The following HYAL1 variants were observed in gnomAD, a reference collection of about 807,000 sequenced individuals.
The protein encoded by HYAL1 is hyaluronidase-1.
HYAL1 carries 21 observed loss-of-function variants against 28.8 expected under a neutral mutation model. The observed-to-expected ratio is 0.73, with a 90% confidence interval of 0.52 to 1.05. HYAL1 has a LOEUF of 1.05. Among genes scored for constraint, HYAL1 ranks in the 50% least tolerant of loss-of-function variants. HYAL1 has a pLI of 0.00. For missense variants in HYAL1, 491 were observed against 579.2 expected, an observed-to-expected ratio of 0.85 and a Z score of 1.56; for synonymous variants, 200 against 230.1, an observed-to-expected ratio of 0.87 and a Z score of 1.18.
In HYAL1 at chr3:50,300,068, T is replaced by G. The variant is rs1186268916; in HGVS notation, c.*415A>C. On this transcript the variant is annotated 3_prime_UTR_variant, in exon 4 of 4. Transcript: ENST00000395144. ...TGCTGTGCAACCTTGGGCAACGTGC[T>G]TACTCTCAATGTGAGTGACTCAGTT... 15 of 274,320 alleles carry G rather than the reference T, an allele frequency of 5.5e-5. No homozygotes were observed. In the Admixed American group the frequency reaches 7.0e-4, roughly 13 times the overall value. 17.0% of individuals were successfully genotyped at this position (274,320 alleles called of 1,614,324 possible). A position where few individuals can be genotyped will look rare whatever the true frequency, so the allele number is the denominator to read the frequency against.
chr3:50,304,329 ATATATATATG>A (rs1702293220), upstream of HYAL1, among the ~76,000 whole-genome samples: 1 of 105,208 alleles, frequency 9.5e-6, no homozygotes, highest in Non-Finnish European at 1.9e-5. Flanking sequence ...ATATATATAT[ATATATATATG>A]GCTATAGTCT....
chr3:50,309,611 A>G (rs1175803693), intron 2 of HYAL1: 4 of 151,396 alleles, frequency 2.6e-5, no homozygotes, highest in African/African-American at 9.8e-5. Context: ...CCCTTGGGAA[A>G]ACTGGCCTCA....
upstream of HYAL1, among the ~76,000 whole-genome samples, chr3:50,306,219 C>CTTTTTTTTTTTTT (rs1173166946): frequency 9.5e-5 from 8 of 84,454 alleles, no homozygotes; most frequent in East Asian, 4.5e-4. Context: ...CTGTACAACT[C>CTTTTTTTTTTTTT]TTTTTTTTTT....
At chr3:50,310,581 CTTTTTTTTTTCT>C (rs1376002530) in intron 1 of HYAL1, among the ~76,000 whole-genome samples, 4 of 140,310 alleles carry the variant, frequency 2.9e-5, no homozygotes, top group Admixed American at 2.1e-4. Flanking sequence ...GGTTTCTTTT[CTTTTTTTTTTCT>C]TTTTTTTTTT....
intron 1 of HYAL1, among the ~76,000 whole-genome samples, chr3:50,310,745 C>CGGCCTT (rs1423152810): frequency 2.0e-5 from 3 of 150,668 alleles, no homozygotes; most frequent in African/African-American, 7.4e-5. Context: ...GAGGACCCCA[C>CGGCCTT]GGCCTTCCGC....
intron 3 of HYAL1, 49 bp downstream of exon 3, chr3:50,300,939 T>TGGGGGG: frequency 2.7e-5 from 26 of 959,318 alleles, no homozygotes; most frequent in Non-Finnish European, 3.8e-5. Flanking sequence ...GTCAGCTTAA[T>TGGGGGG]GGCCCCACCC....
At position 50,302,258 on chromosome 3, in the gene HYAL1, C is replaced by A. The variant is rs200718831; in HGVS notation, c.699G>T (p.Gly233=). The change falls in exon 2 of 4, where the codon GGG becomes GGT. Residue 233 remains glycine, a synonymous_variant. Transcript: ENST00000395144. The surrounding 1 kb of genome is among the most constrained non-coding windows in gnomAD (Gnocchi z 5.0). ...GGGCACGGCTCTGGCCCCACAGCCACCCTAGCTGGTCATTTTGGGCACGGA... is the reference window on the plus strand; with the variant it reads ...GGGCACGGCTCTGGCCCCACAGCCAACCTAGCTGGTCATTTTGGGCACGGA... ...SGIRAQNDQL[G]WLWGQSRALY... 3.1e-6 allele frequency: 5 copies of A among 1,613,926 alleles called. No homozygotes were observed. In the Admixed American group the frequency reaches 6.7e-5, roughly 22 times the overall value.
rs781848241 is a variant in HYAL1 at position 50,300,572 on chromosome 3, C to T, written c.1219G>A (p.Glu407Lys). Residue 407 changes from glutamate (E) to lysine (K), a missense_variant, in exon 4 of 4, where the codon GAA (glutamate) becomes AAA (lysine). Physicochemically the swap from Glu to Lys is moderately conservative, Grantham distance 56. Transcript: ENST00000395144. ...PLSLRGALSL[E>K]DQAQMAVEFK... ...TCCACAGCCATCTGTGCCTGATCTT[C>T]AAGTGAGAGGGCACCCCGCAGGCTC... is the stretch of plus-strand genomic sequence containing the variant. The T allele has an allele frequency of 1.2e-6, 2 of 1,614,228 alleles. No homozygotes were observed. Among genetic ancestry groups the T allele is most frequent in the Admixed American group, 3.3e-5 (2 of 60,030 alleles).
At chr3:50,312,172 C>T (rs1702484304) in intron 1 of HYAL1, 3 of 159,332 alleles carry the variant, frequency 1.9e-5, no homozygotes, top group South Asian at 3.2e-4. Flanking sequence ...GGGGGTTGAC[C>T]CCCCCATCTC....
intron 1 of HYAL1, among the ~76,000 whole-genome samples, chr3:50,310,000 T>C (rs1004654710): frequency 6.6e-6 from 1 of 151,440 alleles, no homozygotes; most frequent in Non-Finnish European, 1.5e-5. Context: ...AGGCCAAGTA[T>C]AATAAGCAAA....
intron 1 of HYAL1, among the ~76,000 whole-genome samples, chr3:50,310,498 C>T (rs2109316259): frequency 6.6e-6 from 1 of 151,528 alleles, no homozygotes. Flanking sequence ...GATCTCCTGA[C>T]CTCGTGATCT....
chr3:50,300,096 C>G lies in HYAL1; in HGVS notation c.*387G>C, dbSNP rs1702058400. On this transcript the variant is annotated 3_prime_UTR_variant, in exon 4 of 4. Coordinates refer to ENST00000395144, the MANE Select transcript of HYAL1 (RefSeq NM_033159.4). ...CTCTCAATGTGAGTGACTCAGTTTC[C>G]TCATAGCCTCATTGTGAGGAATGAA... 3.2e-6 allele frequency: 1 copy of G among 309,458 alleles called. No individual in the cohort carries two copies. Among genetic ancestry groups the G allele is most frequent in the Non-Finnish European group, 6.3e-6 (1 of 158,152 alleles). The allele number at this position is 309,458 out of a possible 1,614,324, so 19.2% of individuals were successfully genotyped here. A position where few individuals can be genotyped will look rare whatever the true frequency, so the allele number is the denominator to read the frequency against.
intron 3 of HYAL1, 43 bp from the exon 4 acceptor site, chr3:50,300,843 G>A (rs782247461): frequency 3.8e-6 from 6 of 1,594,874 alleles, no homozygotes; most frequent in Admixed American, 1.7e-5. Context: ...CCATGGCCAT[G>A]TATGGACCCA....
At chr3:50,301,226 C>T (rs1702143221) in intron 2 of HYAL1, 149 bp from the exon 3 acceptor site, 11 of 610,414 alleles carry the variant, frequency 1.8e-5, no homozygotes, top group Middle Eastern at 2.6e-4. Context: ...CCTCCTCTAG[C>T]CTATGAATTC....
chr3:50,306,492 C>G (rs897073942), upstream of HYAL1, among the ~76,000 whole-genome samples: 7 of 151,320 alleles, frequency 4.6e-5, no homozygotes, highest in Admixed American at 2.0e-4. Flanking sequence ...CTGGTGTTAA[C>G]TTCTGCTTAC....
At chr3:50,307,542 G>T (rs587763465), upstream of HYAL1, among the ~76,000 whole-genome samples, 3 of 146,248 alleles carry the variant, frequency 2.1e-5, no homozygotes, top group Admixed American at 1.4e-4. Context: ...TAAGCTGGGC[G>T]TGGTGGTGGG....
At position 50,302,549 on chromosome 3, in the gene HYAL1, G is replaced by T. The variant is rs782343934; in HGVS notation, c.408C>A (p.Arg136=). Residue 136 remains arginine, a synonymous_variant, in exon 2 of 4, where the codon CGC becomes CGA. Coordinates refer to ENST00000395144, the MANE Select transcript of HYAL1 (RefSeq NM_033159.4). The surrounding 1 kb of genome is among the most constrained non-coding windows in gnomAD (Gnocchi z 5.0). The part of the protein sequence containing the change: ...AVIDWEAWRP[R]WAFNWDTKDI... Reference sequence around the variant, plus strand: ...CCTTGGTGTCCCAGTTGAAGGCCCAGCGTGGGCGCCATGCCTCCCAGTCGA... The same window carrying T: ...CCTTGGTGTCCCAGTTGAAGGCCCATCGTGGGCGCCATGCCTCCCAGTCGA... 5.0e-6 allele frequency: 8 copies of T among 1,614,072 alleles called. No homozygotes were observed. The African/African-American group carries it at 6.7e-5, about 13-fold the overall frequency.
chr3:50,302,083 C>T lies in HYAL1; in HGVS notation c.874G>A (p.Asp292Asn). ...PVLPYVQIFYDTTNHFLPLDE... is the reference protein window; with the variant it reads ...PVLPYVQIFYNTTNHFLPLDE... ...AGGGGCAGAAAGTGGTTTGTCGTGT[C>T]ATAGAAGATCTGGACATAGGGCAGC... The change falls in exon 2 of 4, where the codon GAC becomes AAC. Residue 292 changes from aspartate (D) to asparagine (N), a missense_variant. Physicochemically the swap from Asp to Asn is conservative, Grantham distance 23. Coordinates refer to ENST00000395144, the MANE Select transcript of HYAL1 (RefSeq NM_033159.4). This position sits in a 1 kb window ranked among gnomAD's most constrained non-coding sequence, Gnocchi z 5.0. The T allele has an allele frequency of 6.2e-7, 1 of 1,614,204 alleles. No individual in the cohort carries two copies. The highest frequency in any genetic ancestry group is 8.5e-7 in the Non-Finnish European group (1 of 1,180,046).
Position 50,302,459 on chromosome 3 carries a change from C to T in HYAL1, c.498G>A (p.Gln166=), listed in dbSNP as rs200077067. Residue 166 remains glutamine, a synonymous_variant, in exon 2 of 4, where the codon CAG becomes CAA. Coordinates refer to ENST00000395144, the MANE Select transcript of HYAL1 (RefSeq NM_033159.4). This position sits in a 1 kb window ranked among gnomAD's most constrained non-coding sequence, Gnocchi z 5.0. ...ACTGGTCCTGGGCTACTGCCTCCAC[C>T]TGAGGAGCTGGCCAATCAGGGTGCT... ...QAQHPDWPAP[Q]VEAVAQDQFQ... is the part of the protein sequence containing the mutation. 1.2e-6 allele frequency: 2 copies of T among 1,614,054 alleles called. No homozygotes were observed. The highest frequency in any genetic ancestry group is 4.5e-5 in the East Asian group (2 of 44,886).
Sources: allele counts gnomAD v4.1 joint callset (sites outside exome capture counted in the v4.1 genomes callset), GRCh38; gene constraint gnomAD v4.1.1; non-coding constraint Gnocchi (gnomAD v3.1); transcripts MANE v1.5; gene names NCBI Gene and HGNC (gene_info 2026-07-23, HGNC 2026-07-21).